The following VIPR1 variants were observed in gnomAD, a reference collection of about 807,000 sequenced individuals.
VIPR1 encodes the protein vasoactive intestinal peptide receptor 1, also known as vasoactive intestinal polypeptide receptor 1.
A neutral mutation model predicts 58.8 loss-of-function variants in VIPR1; 59 were observed. That is an observed-to-expected ratio of 1.00 (90% confidence interval 0.81 to 1.25). VIPR1 has a LOEUF of 1.25. VIPR1 is among the 50% of genes most tolerant of loss of function. VIPR1 has a pLI of 0.00. For missense variants in VIPR1, 626 were observed against 602.7 expected (o/e 1.04, Z -0.40); for synonymous variants, 251 against 242.1 (o/e 1.04, Z -0.34).
chr3:42,536,027 C>G, intron 12 of VIPR1, 63 bp from the exon 13 acceptor site: 1 of 1,493,926 alleles, frequency 6.7e-7, no homozygotes, highest in Non-Finnish European at 9.0e-7. Flanking sequence ...AAGTCCAGGG[C>G]AGCCCAATCA....
Position 42,536,420 on chromosome 3 carries a change from TGGTCCGGACACTCCTA to T in VIPR1, c.*141_*156del. ...AGGCTGCCCCCGGCCCCCTGGTCTCTGGTCCGGACACTCCTAGAGAACGCAGCCCTAGAGCCTGCCT... is the reference window on the plus strand; with the variant it reads ...AGGCTGCCCCCGGCCCCCTGGTCTCTGAGAACGCAGCCCTAGAGCCTGCCT... On this transcript the variant is annotated 3_prime_UTR_variant, in exon 13 of 13. Transcript: ENST00000325123. 1.1e-6 allele frequency: 1 copy of T among 914,300 alleles called. No homozygotes were observed. 56.6% of individuals were successfully genotyped at this position (914,300 alleles called of 1,614,324 possible). A position where few individuals can be genotyped will look rare whatever the true frequency, so the allele number is the denominator to read the frequency against.
At chr3:42,518,684 G>T (rs1559487231) in intron 2 of VIPR1, among the ~76,000 whole-genome samples, 1 of 152,170 alleles carries the variant, frequency 6.6e-6, no homozygotes, top group Non-Finnish European at 1.5e-5. Flanking sequence ...GGTTGCCAAG[G>T]TTGCACCACT....
In VIPR1 at chr3:42,532,236, C is replaced by T. The variant is rs370195457; in HGVS notation, c.919-6C>T. On this transcript the variant is annotated splice_polypyrimidine_tract_variant and splice_region_variant and intron_variant, in intron 9 of 12. Transcript: ENST00000325123. Reference sequence around the variant, plus strand: ...GACTGCCCGAACTCGGGTCCCCACCCACTAGGTAAACTTCATCCTGTTTAT... The same window carrying T: ...GACTGCCCGAACTCGGGTCCCCACCTACTAGGTAAACTTCATCCTGTTTAT... The T allele has an allele frequency of 2.4e-5, 39 of 1,614,024 alleles. No homozygotes were observed. Among genetic ancestry groups the T allele is most frequent in the Non-Finnish European group, 3.1e-5 (36 of 1,180,000 alleles).
At chr3:42,498,024 C>T (rs1353168171), upstream of VIPR1, among the ~76,000 whole-genome samples, 1 of 152,218 alleles carries the variant, frequency 6.6e-6, no homozygotes, top group Non-Finnish European at 1.5e-5. Context: ...TTCCTCTCTG[C>T]CCAGAGCAGG....
Position 42,535,111 on chromosome 3 carries a change from G to T in VIPR1, c.1140+7G>T. 6.2e-7 allele frequency: 1 copy of T among 1,614,200 alleles called. No individual in the cohort carries two copies. Among genetic ancestry groups the T allele is most frequent in the Non-Finnish European group, 8.5e-7 (1 of 1,180,012 alleles). On this transcript the variant is annotated splice_region_variant and intron_variant, in intron 11 of 12. Transcript: ENST00000325123. ...CGTCGTGGGGTCTTTCCAGGTATGGGCTGTTGACTTAAGGCTGCATTCTTC... is the reference window on the plus strand; with the variant it reads ...CGTCGTGGGGTCTTTCCAGGTATGGTCTGTTGACTTAAGGCTGCATTCTTC...
chr3:42,522,526 C>T (rs1420884852), intron 3 of VIPR1, among the ~76,000 whole-genome samples: 2 of 152,144 alleles, frequency 1.3e-5, no homozygotes, highest in Admixed American at 6.6e-5. Flanking sequence ...GGGATACCTC[C>T]CCTCCCCTAC....
At chr3:42,489,340 A>C (rs1195081379) in exon 1 of VIPR1, 1 of 152,196 alleles carries the variant, frequency 6.6e-6, no homozygotes, top group Non-Finnish European at 1.5e-5. Context: ...TCTTTCCCAC[A>C]GTTCCAGCAA....
chr3:42,510,586 G>C (rs1453852871), intron 1 of VIPR1, among the ~76,000 whole-genome samples: 1 of 152,168 alleles, frequency 6.6e-6, no homozygotes, highest in Non-Finnish European at 1.5e-5. Context: ...TTGAAGGATT[G>C]ATGCAGTCCA....
chr3:42,528,055 G>A lies in VIPR1; in HGVS notation c.568G>A (p.Ala190Thr). The part of the protein sequence containing the change: ...HLFISFILRA[A>T]AVFIKDLALF... ...CTTCATATCCTTCATCCTGAGGGCT[G>A]CCGCTGTCTTCATCAAAGACTTGGC... Residue 190 changes from alanine (A) to threonine (T), a missense_variant, in exon 6 of 13, where the codon GCC (alanine) becomes ACC (threonine). Coordinates refer to ENST00000325123, the MANE Select transcript of VIPR1 (RefSeq NM_004624.4). 1 of 1,614,054 alleles carries A rather than the reference G, an allele frequency of 6.2e-7. No individual in the cohort carries two copies. Among genetic ancestry groups the A allele is most frequent in the South Asian group, 1.1e-5 (1 of 91,082 alleles).
In VIPR1 at chr3:42,536,441, A is replaced by ACG. The variant is rs1553640981; in HGVS notation, c.*162_*163dup. ...TCTCTGGTCCGGACACTCCTAGAGA[A>ACG]CGCAGCCCTAGAGCCTGCCTGGAGC... On this transcript the variant is annotated 3_prime_UTR_variant, in exon 13 of 13. Transcript: ENST00000325123. The ACG allele has an allele frequency of 1.7e-5, 12 of 714,172 alleles. No individual in the cohort carries two copies. The highest frequency in any genetic ancestry group is 2.6e-5 in the Non-Finnish European group (12 of 464,384). 44.2% of individuals were successfully genotyped at this position (714,172 alleles called of 1,614,324 possible).
rs1701477828 is a variant in VIPR1 at position 42,530,483 on chromosome 3, A to G, written c.637-296A>G. On this transcript the variant is annotated intron_variant, in intron 6 of 12. Transcript: ENST00000325123. Reference sequence around the variant, plus strand: ...GGTGAGTGGGTAAATAAATGGATACATGGATAGGTGGGTAGATGATTGAAT... The same window carrying G: ...GGTGAGTGGGTAAATAAATGGATACGTGGATAGGTGGGTAGATGATTGAAT... 2.4e-5 allele frequency: 8 copies of G among 330,086 alleles called. No individual in the cohort carries two copies. In the South Asian group the frequency reaches 4.5e-4, roughly 19 times the overall value. The allele number at this position is 330,086 out of a possible 1,614,324, so 20.4% of individuals were successfully genotyped here.
At chr3:42,530,465 G>T in intron 6 of VIPR1, 1 of 285,928 alleles carries the variant, frequency 3.5e-6, no homozygotes, top group Non-Finnish European at 6.7e-6. Context: ...GTGGGTGAGT[G>T]GGTAAATAAA....
chr3:42,519,181 T>TGCACTGTGCTC, intron 2 of VIPR1, 42 bp from the exon 3 acceptor site: 1 of 1,519,386 alleles, frequency 6.6e-7, no homozygotes, highest in Non-Finnish European at 8.9e-7. Flanking sequence ...TGGAGGCACC[T>TGCACTGTGCTC]GCACTGTGCT....
At chr3:42,522,097 ATATATTTTTTTTTTTT>A (rs1230946682) in intron 3 of VIPR1, among the ~76,000 whole-genome samples, 1 of 44,144 alleles carries the variant, frequency 2.3e-5, no homozygotes, top group Non-Finnish European at 3.5e-5. Flanking sequence ...ATATATATAT[ATATATTTTTTTTTTTT>A]TTTTTTTTTT....
chr3:42,536,270 T>C lies in VIPR1; in HGVS notation c.1363T>C (p.Ser455Pro). 1.3e-6 allele frequency: 2 copies of C among 1,565,434 alleles called. No individual in the cohort carries two copies. Among genetic ancestry groups the C allele is most frequent in the Non-Finnish European group, 1.7e-6 (2 of 1,162,522 alleles). ...RRSSSFQAEV[S>P]LV ...CTCCTCCAGCTTCCAAGCCGAAGTC[T>C]CCCTGGTCTGACCACCAGGATCCCA... Residue 455 changes from serine (S) to proline (P), a missense_variant, in exon 13 of 13, where the codon TCC becomes CCC. By Grantham distance (74) the Ser-to-Pro change is moderately conservative (BLOSUM62 -1). Coordinates refer to ENST00000325123, the MANE Select transcript of VIPR1 (RefSeq NM_004624.4).
At chr3:42,527,066 G>T (rs1444469074) in intron 4 of VIPR1, among the ~76,000 whole-genome samples, 1 of 152,052 alleles carries the variant, frequency 6.6e-6, no homozygotes, top group Non-Finnish European at 1.5e-5. Flanking sequence ...GGGAAGCCGG[G>T]CACATGGCTG....
At chr3:42,514,464 G>T (rs2125646716) in intron 2 of VIPR1, among the ~76,000 whole-genome samples, 1 of 151,742 alleles carries the variant, frequency 6.6e-6, no homozygotes, top group East Asian at 1.9e-4. Flanking sequence ...CCAATATTCA[G>T]CCTGGAAACT....
At chr3:42,510,368 G>C (rs1211934865) in intron 1 of VIPR1, among the ~76,000 whole-genome samples, 2 of 152,146 alleles carry the variant, frequency 1.3e-5, no homozygotes, top group Non-Finnish European at 2.9e-5. Flanking sequence ...AGTAGACTTG[G>C]CTATATTCAG....
rs191081187 is a variant in VIPR1, at chr3:42,511,930, C to T, written c.79-1819C>T. 38 of 152,326 alleles carry T rather than the reference C, an allele frequency of 2.5e-4. 1 individual carries two copies. Among genetic ancestry groups the T allele is most frequent in the Admixed American group, 1.8e-3 (28 of 15,300 alleles). The allele number at this position is 152,326 out of a possible 1,614,324, so 9.4% of individuals were successfully genotyped here. ...TAACCCTTATGGGAAGGAGAGAAAG[C>T]ACATGACCCCAAAGAGGAACCACAG... is the stretch of plus-strand genomic sequence containing the variant. On this transcript the variant is annotated intron_variant, in intron 1 of 12. Transcript: ENST00000325123.
Sources: allele counts gnomAD v4.1 joint callset (sites outside exome capture counted in the v4.1 genomes callset), GRCh38; gene constraint gnomAD v4.1.1; transcripts MANE v1.5; gene names NCBI Gene and HGNC (gene_info 2026-07-23, HGNC 2026-07-21).